The following ITGA5 variants were observed in gnomAD, a reference collection of about 807,000 sequenced individuals.
ITGA5 encodes the protein integrin alpha-5.
In ITGA5, 55 loss-of-function variants were observed where a neutral mutation model predicts 146.3. That is an observed-to-expected ratio of 0.38 (90% CI 0.30 to 0.47). The LOEUF (loss-of-function observed/expected upper bound fraction) is 0.47, where lower values mean the gene tolerates loss of function less well. ITGA5 is among the 20% of genes least tolerant of loss of function. The pLI, the probability that ITGA5 is intolerant of heterozygous loss-of-function variation, is 0.99. For synonymous variants in ITGA5, 500 were observed against 531.8 expected, an observed-to-expected ratio of 0.94 and a Z score of 0.82; for missense variants, 1,131 against 1,329.0, an observed-to-expected ratio of 0.85 and a Z score of 2.32.
At position 54,400,858 on chromosome 12, in the gene ITGA5, T is replaced by C; in HGVS notation, c.2631A>G (p.Pro877=). 1 of 1,613,952 alleles carries C rather than the reference T, an allele frequency of 6.2e-7. No individual in the cohort carries two copies. Among genetic ancestry groups the C allele is most frequent in the Non-Finnish European group, 8.5e-7 (1 of 1,179,940 alleles). ...TTCAGGATCTCACCTCCAGGCCCTT[T>C]GGGTTAATGGGGTGATTGGTGGTGC... ...LNCTTNHPIN[P]KGLELDPEGS... is the part of the protein sequence containing the mutation. The change falls in exon 25 of 30, where the codon CCA becomes CCG. Residue 877 remains proline, a synonymous_variant. Transcript: ENST00000293379.
chr12:54,410,537 A>T (rs1259516234), intron 2 of ITGA5, among the ~76,000 whole-genome samples: 1 of 149,720 alleles, frequency 6.7e-6, no homozygotes, highest in Non-Finnish European at 1.5e-5. Flanking sequence ...TGCCATGTTG[A>T]CCAGGTTTAT....
In ITGA5 at chr12:54,404,016, C is replaced by T. The variant is rs372798426; in HGVS notation, c.1566-50G>A. The T allele has an allele frequency of 5.0e-6, 8 of 1,601,258 alleles. No homozygotes were observed. The African/African-American group carries it at 9.4e-5, about 19-fold the overall frequency. ...TGGTGAATCCAACTGGAACAGACAT[C>T]CTATCCTCTACCTATCTCCCAGCCA... On this transcript the variant is annotated intron_variant, in intron 15 of 29. Transcript: ENST00000293379.
chr12:54,400,902 TG>T lies in ITGA5; in HGVS notation c.2586del (p.Arg863GlufsTer47). ...GTGGTGCAGTTGAGTCCCGTAACTC[TG>T]GTCACATATAGGAGCTGCTGACCTT... ...ALEGQQLLYV[T>X]RVTGLNCTTN... On this transcript the variant is annotated frameshift_variant, in exon 25 of 30. Transcript: ENST00000293379. LOFTEE classifies it high-confidence loss of function. 6.2e-7 allele frequency: 1 copy of T among 1,614,166 alleles called. No individual in the cohort carries two copies. The highest frequency in any genetic ancestry group is 8.5e-7 in the Non-Finnish European group (1 of 1,180,018).
intron 28 of ITGA5, among the ~76,000 whole-genome samples, chr12:54,397,917 T>G (rs1253505788): frequency 6.6e-6 from 1 of 151,522 alleles, no homozygotes; most frequent in Non-Finnish European, 1.5e-5. Context: ...TTTTTTTTTT[T>G]GACAGAGTCT....
At position 54,404,161 on chromosome 12, in the gene ITGA5, C is replaced by T. The variant is rs769647340; in HGVS notation, c.1549G>A (p.Gly517Arg). Residue 517 changes from glycine (G) to arginine (R), a missense_variant, in exon 15 of 30, where the codon GGG becomes AGG. Gly to Arg is a moderately radical substitution (Grantham distance 125). Around this residue, in one of 3 missense-constraint regions of ITGA5, gnomAD observed 889 missense variants for 1,021.5 expected, o/e 0.87. Coordinates refer to ENST00000293379, the MANE Select transcript of ITGA5 (RefSeq NM_002205.5). The part of the protein sequence containing the change: ...NPEERSCSLE[G>R]NPVACINLSF... ...CCAGCTCACCAGGCCACAGGGTTCC[C>T]CTCTAAGCTGCAGCTCCGCTCCTCT... 6.3e-6 allele frequency: 10 copies of T among 1,590,974 alleles called. No individual in the cohort carries two copies. The highest frequency in any genetic ancestry group is 1.7e-4 in the Middle Eastern group (1 of 5,944).
Position 54,398,698 on chromosome 12 carries a change from G to A in ITGA5, c.2842C>T (p.Arg948Trp), listed in dbSNP as rs377040337. The change falls in exon 28 of 30, where the codon CGG (arginine) becomes TGG (tryptophan). Residue 948 changes from arginine (R) to tryptophan (W), a missense_variant and splice_region_variant. Transcript: ENST00000293379. ...TGCAGGCTAAATGGCTGGTGCTCCC[G>A]CTGTGGGTAGGGGAAAGTTGGTTAG... ...FRVWAKTFLQ[R>W]EHQPFSLQCE... is the part of the protein sequence containing the mutation. 23 of 1,595,480 alleles carry A rather than the reference G, an allele frequency of 1.4e-5. No individual in the cohort carries two copies. Among genetic ancestry groups the A allele is most frequent in the Middle Eastern group, 1.7e-4 (1 of 6,052 alleles).
chr12:54,406,538 T>C (rs1021918868), intron 9 of ITGA5, among the ~76,000 whole-genome samples: 1 of 152,204 alleles, frequency 6.6e-6, no homozygotes, highest in Non-Finnish European at 1.5e-5. Context: ...GGAAATCCAG[T>C]GGCCCCCTGC....
rs538463594 is a variant in ITGA5, at chr12:54,416,459, G to A, written c.218+2522C>T. The stretch of plus-strand genomic sequence containing the variant: ...TTTGTTACAATCCAATGGAAAAATC[G>A]ATATGAAAGTGCTAAAGGAATATGA... On this transcript the variant is annotated intron_variant, in intron 1 of 29. Transcript: ENST00000293379. The surrounding 1 kb of genome is among the most constrained non-coding windows in gnomAD (Gnocchi z 4.1). 2.6e-5 allele frequency among the ~76,000 whole-genome samples: 4 copies of A among 152,172 alleles called. No individual in the cohort carries two copies. Among genetic ancestry groups the A allele is most frequent in the Admixed American group, 2.0e-4 (3 of 15,280 alleles).
At position 54,416,412 on chromosome 12, in the gene ITGA5, C is replaced by T. The variant is rs1210243414; in HGVS notation, c.218+2569G>A. Among the ~76,000 whole-genome samples, 1 of 152,202 alleles carries T rather than the reference C, an allele frequency of 6.6e-6. No homozygotes were observed. Among genetic ancestry groups the T allele is most frequent in the Admixed American group, 6.5e-5 (1 of 15,276 alleles). On this transcript the variant is annotated intron_variant, in intron 1 of 29. Transcript: ENST00000293379. The surrounding 1 kb of genome is among the most constrained non-coding windows in gnomAD (Gnocchi z 4.1). ...ATCTAAAAATGGGGCAATAATGCTT[C>T]CTTTGCTTTAACACAAGGATTTTTG... is the stretch of plus-strand genomic sequence containing the variant.
rs745623291 is a variant in ITGA5, at chr12:54,404,133, G to C, written c.1565+12C>G. On this transcript the variant is annotated intron_variant, in intron 15 of 29. Coordinates refer to ENST00000293379, the MANE Select transcript of ITGA5 (RefSeq NM_002205.5). ...GGCTCAGGTCTCTGCAATTTCCTGGGCACCAGCTCACCAGGCCACAGGGTT... is the reference window on the plus strand; with the variant it reads ...GGCTCAGGTCTCTGCAATTTCCTGGCCACCAGCTCACCAGGCCACAGGGTT... 2 of 1,575,086 alleles carry C rather than the reference G, an allele frequency of 1.3e-6. No individual in the cohort carries two copies. Among genetic ancestry groups the C allele is most frequent in the Non-Finnish European group, 1.7e-6 (2 of 1,159,322 alleles).
At chr12:54,414,504 G>A (rs1044678589) in intron 1 of ITGA5, among the ~76,000 whole-genome samples, 10 of 152,186 alleles carry the variant, frequency 6.6e-5, no homozygotes. Flanking sequence ...GTTATCTCAT[G>A]CTGGTCAGAA....
chr12:54,400,651 CAGAA>C, intron 25 of ITGA5, 191 bp downstream of exon 25: 1 of 549,936 alleles, frequency 1.8e-6, no homozygotes, highest in Non-Finnish European at 3.2e-6. Context: ...ATAGTTCAGG[CAGAA>C]AGAAACACAG....
At chr12:54,414,289 T>A (rs182542306) in intron 1 of ITGA5, among the ~76,000 whole-genome samples, 113 of 152,342 alleles carry the variant, frequency 7.4e-4, no homozygotes, top group African/African-American at 2.3e-3. Context: ...TTTTCCCACA[T>A]CTTTTTCCTG....
chr12:54,404,713 A>T lies in ITGA5; in HGVS notation c.1407T>A (p.Asn469Lys). Residue 469 changes from asparagine to lysine, a missense_variant, in exon 13 of 30, where the codon AAT (asparagine) becomes AAA (lysine). Asn to Lys is a moderately conservative substitution (Grantham distance 94). Transcript: ENST00000293379. ...TCAGGCACAACTCACCAGGATATCC[A>T]TTGCCATCCAGGTCTCGGCCTCCTC... ...ALRGGRDLDG[N>K]GYPDLIVGSF... 1 of 1,613,800 alleles carries T rather than the reference A, an allele frequency of 6.2e-7. No homozygotes were observed. Among genetic ancestry groups the T allele is most frequent in the Non-Finnish European group, 8.5e-7 (1 of 1,179,868 alleles).
chr12:54,409,664 C>A lies in ITGA5; in HGVS notation c.350-67G>T, dbSNP rs994267402. 64 of 1,065,570 alleles carry A rather than the reference C, an allele frequency of 6.0e-5. 1 individual carries two copies. The South Asian group carries it at 8.0e-4, about 13-fold the overall frequency. 66.0% of individuals were successfully genotyped at this position (1,065,570 alleles called of 1,614,324 possible). On this transcript the variant is annotated intron_variant, in intron 2 of 29. Coordinates refer to ENST00000293379, the MANE Select transcript of ITGA5 (RefSeq NM_002205.5). This position sits in a 1 kb window ranked among gnomAD's most constrained non-coding sequence, Gnocchi z 4.7. ...ATTTGAGCTCTAGGGCAGCCCCTAC[C>A]CTCAGCCTGGGGATACCCAACAAAC...
In ITGA5 at chr12:54,405,734, G is replaced by T. The variant is rs748370560; in HGVS notation, c.964-18C>A. The T allele has an allele frequency of 6.2e-7, 1 of 1,613,750 alleles. No homozygotes were observed. Among genetic ancestry groups the T allele is most frequent in the Admixed American group, 1.7e-5 (1 of 60,012 alleles). Reference sequence around the variant, plus strand: ...GAGGCCATCTGGGGAGGACAAAGGGGCAGCGCTGGGTCAGAACTAGAAGGT... The same window carrying T: ...GAGGCCATCTGGGGAGGACAAAGGGTCAGCGCTGGGTCAGAACTAGAAGGT... On this transcript the variant is annotated intron_variant, in intron 10 of 29. Coordinates refer to ENST00000293379, the MANE Select transcript of ITGA5 (RefSeq NM_002205.5).
chr12:54,405,527 G>T, intron 11 of ITGA5, 137 bp downstream of exon 11: 1 of 1,028,900 alleles, frequency 9.7e-7, no homozygotes, highest in Non-Finnish European at 1.5e-6. Flanking sequence ...TTGTCCCTGA[G>T]CAAGGGGAAT....
intron 6 of ITGA5, 34 bp from the exon 7 acceptor site, chr12:54,408,269 G>A (rs780756818): frequency 6.2e-7 from 1 of 1,611,214 alleles, no homozygotes; most frequent in South Asian, 1.1e-5. Flanking sequence ...TAGATGGAGA[G>A]GAAGTGGCAG....
intron 9 of ITGA5, among the ~76,000 whole-genome samples, chr12:54,406,805 A>T (rs1243647042): frequency 6.6e-6 from 1 of 152,168 alleles, no homozygotes; most frequent in Non-Finnish European, 1.5e-5. Flanking sequence ...TTAAAAATTT[A>T]AAATTTTTAT....
Sources: gnomAD v4.1 joint callset for allele counts (sites outside exome capture counted in the v4.1 genomes callset) on GRCh38, gnomAD v4.1.1 for gene constraint, gnomAD v4.1.1 regional missense constraint, Gnocchi (gnomAD v3.1) non-coding constraint, MANE v1.5 for transcripts, NCBI Gene and HGNC (gene_info 2026-07-23, HGNC 2026-07-21) for gene names.